The following ARAP3 variants were observed in gnomAD, a reference collection of about 807,000 sequenced individuals.
ARAP3 encodes the protein ArfGAP with RhoGAP domain, ankyrin repeat and PH domain 3.
ARAP3 carries 82 observed loss-of-function variants against 169.2 expected under a neutral mutation model. The observed-to-expected ratio is 0.48, with a 90% CI of 0.41 to 0.58. The LOEUF is 0.58. ARAP3 is among the 20% of genes least tolerant of loss of function. The probability of loss-of-function intolerance (pLI) is 0.00; values close to 1 mark genes in which losing one functional copy is unlikely to be tolerated. For synonymous variants in ARAP3, 791 were observed against 800.3 expected (o/e 0.99, Z 0.20); for missense variants, 1,764 against 2,018.0 (o/e 0.87, Z 2.41).
intron 4 of ARAP3, among the ~76,000 whole-genome samples, chr5:141,675,827 A>AC (rs1459065708): frequency 9.9e-5 from 15 of 152,008 alleles, no homozygotes; most frequent in African/African-American, 3.4e-4. Flanking sequence ...TCAGATAAGA[A>AC]CCCCCACAGA....
chr5:141,669,980 G>A lies in ARAP3; in HGVS notation c.2191C>T (p.Gln731Ter). ...CCCAGACATACAATATCCTGGGGCT[G>A]TATGAGGCTGAGGGGTTCAGGGCTG... ...ENSPEPLSLI[Q>*]PQDIVCLGVS... The change falls in exon 15 of 33, where the codon CAG becomes TAG. Residue 731 changes from glutamine to a stop codon, truncating the protein, a stop_gained. Transcript: ENST00000239440. LOFTEE classifies it high-confidence loss of function. The A allele has an allele frequency of 6.3e-7, 1 of 1,599,310 alleles. No homozygotes were observed. The highest frequency in any genetic ancestry group is 1.4e-5 in the African/African-American group (1 of 73,642).
In ARAP3 at chr5:141,672,544, G is replaced by A. The variant is rs2099911589; in HGVS notation, c.1385+8C>T. On this transcript the variant is annotated splice_region_variant and intron_variant, in intron 9 of 32. Coordinates refer to ENST00000239440, the MANE Select transcript of ARAP3 (RefSeq NM_022481.6). This position sits in a 1 kb window ranked among gnomAD's most constrained non-coding sequence, Gnocchi z 4.9. ...CCCAGCCTTGCCTCCCACTGGCCCA[G>A]GCCCCACCTGAAGCAGCGATGGGGT... 1.2e-6 allele frequency: 2 copies of A among 1,613,882 alleles called. No individual in the cohort carries two copies. The highest frequency in any genetic ancestry group is 1.7e-6 in the Non-Finnish European group (2 of 1,179,864).
chr5:141,664,950 A>T lies in ARAP3; in HGVS notation c.2772T>A (p.Asp924Glu), dbSNP rs767197668. The T allele has an allele frequency of 1.8e-5, 29 of 1,604,486 alleles. No individual in the cohort carries two copies. In the Middle Eastern group the frequency reaches 6.6e-4, roughly 37 times the overall value. Residue 924 changes from aspartate (D) to glutamate (E), a missense_variant, in exon 19 of 33, where the codon GAT becomes GAA. Coordinates refer to ENST00000239440, the MANE Select transcript of ARAP3 (RefSeq NM_022481.6). ...MSRGDIPIIVDACISFVTQHG... is the reference protein window; with the variant it reads ...MSRGDIPIIVEACISFVTQHG... ...GCTGGGTAACAAAACTGATGCAGGC[A>T]TCCACGATGATGGGGATGTCACCCC... is the stretch of plus-strand genomic sequence containing the variant.
At chr5:141,668,547 G>A (rs1354878594) in intron 16 of ARAP3, among the ~76,000 whole-genome samples, 1 of 152,212 alleles carries the variant, frequency 6.6e-6, no homozygotes, top group Non-Finnish European at 1.5e-5. Flanking sequence ...AGTCTTCACA[G>A]CACCCTCCGG....
rs369114499 is a variant in ARAP3 at position 141,653,903 on chromosome 5, T to C, written c.*47A>G. ...AGCTGCAACAGTGCCACGATAAGAGTTTCTGGGTCTTCTGGTACCTACCCT... is the reference window on the plus strand; with the variant it reads ...AGCTGCAACAGTGCCACGATAAGAGCTTCTGGGTCTTCTGGTACCTACCCT... On this transcript the variant is annotated 3_prime_UTR_variant, in exon 33 of 33. Coordinates refer to ENST00000239440, the MANE Select transcript of ARAP3 (RefSeq NM_022481.6). 3.6e-5 allele frequency: 54 copies of C among 1,502,114 alleles called. No homozygotes were observed. The highest frequency in any genetic ancestry group is 4.7e-5 in the Non-Finnish European group (53 of 1,127,062). The allele number at this position is 1,502,114 out of a possible 1,614,324, so 93.0% of individuals were successfully genotyped here. A position where few individuals can be genotyped will look rare whatever the true frequency, so the allele number is the denominator to read the frequency against.
chr5:141,661,170 T>C (rs750146518), intron 21 of ARAP3, among the ~76,000 whole-genome samples: 13 of 151,940 alleles, frequency 8.6e-5, no homozygotes, highest in Non-Finnish European at 1.9e-4. Flanking sequence ...CTCAAGCGAT[T>C]CTCGTGCCTC....
rs764752528 is a variant in ARAP3, at chr5:141,655,723, A to G, written c.4008T>C (p.His1336=). 89 of 1,614,064 alleles carry G rather than the reference A, an allele frequency of 5.5e-5. No individual in the cohort carries two copies. The highest frequency in any genetic ancestry group is 7.1e-5 in the Non-Finnish European group (84 of 1,180,020). ...DDQQPVVLRR[H]SSSDLARQKF... ...TCTGACGGGCAAGGTCAGAGGAGGA[A>G]TGGCGTCGTAAGACCACTGGCTGCT... Residue 1336 remains histidine (H), a synonymous_variant, in exon 31 of 33, where the codon CAT becomes CAC. Coordinates refer to ENST00000239440, the MANE Select transcript of ARAP3 (RefSeq NM_022481.6).
rs767198438 is a variant in ARAP3 at position 141,656,719 on chromosome 5, T to C, written c.3654A>G (p.Thr1218=). 1.2e-6 allele frequency: 2 copies of C among 1,612,318 alleles called. No homozygotes were observed. The highest frequency in any genetic ancestry group is 2.7e-5 in the African/African-American group (2 of 74,914). ...GCTGGGCAGAGGAAGGAGGCTCACC[T>C]GTGAAGAGGCAGCCAGCTTGGGCCA... The part of the protein sequence containing the change: ...VPLAQAGCLF[T]GIRRESPRVG... The change falls in exon 26 of 33, where the codon ACA becomes ACG. Residue 1218 remains threonine, a splice_region_variant and synonymous_variant. Transcript: ENST00000239440.
rs1374389321 is a variant in ARAP3 at position 141,656,175 on chromosome 5, G to C, written c.3872+19C>G. 6.2e-7 allele frequency: 1 copy of C among 1,614,138 alleles called. No individual in the cohort carries two copies. Among genetic ancestry groups the C allele is most frequent in the Non-Finnish European group, 8.5e-7 (1 of 1,180,006 alleles). ...AGGCAGGAAGGCCCTGGAAGTGCGG[G>C]CTGGGGAAGAAAACTCACGGTGTTG... On this transcript the variant is annotated intron_variant, in intron 28 of 32. Coordinates refer to ENST00000239440, the MANE Select transcript of ARAP3 (RefSeq NM_022481.6).
In ARAP3 at chr5:141,680,757, T is replaced by TTGGC. The variant is rs1460032913; in HGVS notation, c.-17-255_-17-254insGCCA. 1.9e-5 allele frequency: 11 copies of TTGGC among 575,688 alleles called. No individual in the cohort carries two copies. The African/African-American group carries it at 2.1e-4, about 11-fold the overall frequency. The allele number at this position is 575,688 out of a possible 1,614,324, so 35.7% of individuals were successfully genotyped here. A position where few individuals can be genotyped will look rare whatever the true frequency, so the allele number is the denominator to read the frequency against. On this transcript the variant is annotated intron_variant, in intron 1 of 32. Transcript: ENST00000239440. Reference sequence around the variant, plus strand: ...GGGCTTGCCCCAGGTTCACAGTAAGTCAGTGCTAGAGTTGGCCCCTCAGTT... The same window carrying TTGGC: ...GGGCTTGCCCCAGGTTCACAGTAAGTTGGCCAGTGCTAGAGTTGGCCCCTCAGTT...
chr5:141,660,835 G>C (rs1484664535), intron 21 of ARAP3, among the ~76,000 whole-genome samples: 4 of 151,952 alleles, frequency 2.6e-5, no homozygotes, highest in African/African-American at 9.7e-5. Flanking sequence ...CCCCAGAATT[G>C]CTCAAAGGCC....
At chr5:141,677,878 G>A (rs535145371) in intron 4 of ARAP3, among the ~76,000 whole-genome samples, 13 of 151,988 alleles carry the variant, frequency 8.6e-5, no homozygotes, top group Admixed American at 2.0e-4. Context: ...TCCGCCTCCC[G>A]GGTTCAAGTG....
rs755676610 is a variant in ARAP3, at chr5:141,658,351, G to T, written c.3526+14C>A. On this transcript the variant is annotated intron_variant, in intron 25 of 32. Transcript: ENST00000239440. ...TATACACATGCATGAACACACAGGC[G>T]TGGTCATACTCACCCAGCTCCCCAT... 1 of 1,611,922 alleles carries T rather than the reference G, an allele frequency of 6.2e-7. No homozygotes were observed. Among genetic ancestry groups the T allele is most frequent in the East Asian group, 2.2e-5 (1 of 44,880 alleles).
At chr5:141,677,596 C>T (rs2099912350) in intron 4 of ARAP3, among the ~76,000 whole-genome samples, 1 of 152,290 alleles carries the variant, frequency 6.6e-6, no homozygotes, top group African/African-American at 2.4e-5. Context: ...AAAACCTCCC[C>T]ACTGGTCTCT....
At chr5:141,661,821 A>G (rs772536737) in intron 20 of ARAP3, 32 bp from the exon 21 acceptor site, 69 of 1,606,452 alleles carry the variant, frequency 4.3e-5, no homozygotes, top group Non-Finnish European at 5.5e-5. Context: ...GTTGGGGAGG[A>G]CCCGGGAAGA....
rs370631550 is a variant in ARAP3, at chr5:141,673,721, G to T, written c.786C>A (p.Thr262=). 3 of 1,614,200 alleles carry T rather than the reference G, an allele frequency of 1.9e-6. No homozygotes were observed. The highest frequency in any genetic ancestry group is 1.1e-5 in the South Asian group (1 of 91,088). Residue 262 remains threonine (T), a synonymous_variant, in exon 5 of 33, where the codon ACC becomes ACA. Coordinates refer to ENST00000239440, the MANE Select transcript of ARAP3 (RefSeq NM_022481.6). ...CATCACTGGTCTCCTCTGTTTCCAGGGTGGGCGATAAGAGGGTGGAGTCTC... is the reference window on the plus strand; with the variant it reads ...CATCACTGGTCTCCTCTGTTTCCAGTGTGGGCGATAAGAGGGTGGAGTCTC... ...LPGDSTLLSP[T]LETEETSDDL...
chr5:141,655,755 C>T lies in ARAP3; in HGVS notation c.3976G>A (p.Asp1326Asn), dbSNP rs1330861920. Reference protein sequence around the residue: ...WTTSILKAQHDDQQPVVLRRH... With the variant: ...WTTSILKAQHNDQQPVVLRRH... ...CGTAAGACCACTGGCTGCTGGTCAT[C>T]GTGCTGGTGGGAGCGTGAGGGGTTG... Residue 1326 changes from aspartate (D) to asparagine (N), a missense_variant, in exon 31 of 33, where the codon GAT becomes AAT. Transcript: ENST00000239440. 3.7e-6 allele frequency: 6 copies of T among 1,614,026 alleles called. No individual in the cohort carries two copies. Among genetic ancestry groups the T allele is most frequent in the Non-Finnish European group, 5.1e-6 (6 of 1,180,020 alleles).
intron 17 of ARAP3, among the ~76,000 whole-genome samples, chr5:141,665,971 C>T (rs1046670643): frequency 4.7e-5 from 7 of 147,952 alleles, no homozygotes; most frequent in Non-Finnish European, 5.9e-5. Context: ...GCGGAGGTTG[C>T]AGTGAGTTGA....
At position 141,655,869 on chromosome 5, in the gene ARAP3, C is replaced by A. The variant is rs200481734; in HGVS notation, c.3972G>T (p.Gln1324His). Residue 1324 changes from glutamine to histidine, a missense_variant and splice_region_variant, in exon 30 of 33, where the codon CAG becomes CAT. Around this residue, in one of 3 missense-constraint regions of ARAP3, gnomAD observed 1,112 missense variants for 1,285.7 expected, o/e 0.86. Coordinates refer to ENST00000239440, the MANE Select transcript of ARAP3 (RefSeq NM_022481.6). The stretch of plus-strand genomic sequence containing the variant: ...CCCTCAGCCTTTTCTTTCCCCTCAC[C>A]TGGGCTTTAAGGATGCTGGTGGTCC... The part of the protein sequence containing the change: ...WDWTTSILKA[Q>H]HDDQQPVVLR... 6.2e-7 allele frequency: 1 copy of A among 1,614,020 alleles called. No homozygotes were observed. The highest frequency in any genetic ancestry group is 2.2e-5 in the East Asian group (1 of 44,886).
Sources: gnomAD v4.1 joint callset for allele counts (sites outside exome capture counted in the v4.1 genomes callset) on GRCh38, gnomAD v4.1.1 for gene constraint, gnomAD v4.1.1 regional missense constraint, Gnocchi (gnomAD v3.1) non-coding constraint, MANE v1.5 for transcripts, NCBI Gene and HGNC (gene_info 2026-07-23, HGNC 2026-07-21) for gene names.